HERC4: variants seen among roughly 807,000 people sequenced by gnomAD.
The protein encoded by HERC4 is HECT and RLD domain containing E3 ubiquitin protein ligase 4, also known as probable E3 ubiquitin-protein ligase HERC4.
In HERC4, 28 loss-of-function variants were observed where a neutral mutation model predicts 124.3. The observed-to-expected ratio is 0.23, with a 90% CI of 0.17 to 0.31. The LOEUF is 0.31. Ranked by LOEUF, HERC4 falls within the 10% of genes least tolerant of loss-of-function variation. The probability of loss-of-function intolerance (pLI) is 1.00; values close to 1 mark genes in which losing one functional copy is unlikely to be tolerated. For missense variants in HERC4, 713 were observed against 1,229.3 expected, an observed-to-expected ratio of 0.58 and a Z score of 6.28; for synonymous variants, 407 against 421.5, an observed-to-expected ratio of 0.97 and a Z score of 0.42.
intron 15 of HERC4, among the ~76,000 whole-genome samples, chr10:67,981,861 A>C (rs1240892125): frequency 6.6e-6 from 1 of 152,238 alleles, no homozygotes; most frequent in Admixed American, 6.5e-5. Context: ...GAATCACTTG[A>C]ATCGGGGGGG....
chr10:68,064,582 G>A, intron 3 of HERC4, among the ~76,000 whole-genome samples: 2 of 146,742 alleles, frequency 1.4e-5, no homozygotes. Context: ...AAAAAAGAGA[G>A]AGAGAGAAAA....
intron 7 of HERC4, among the ~76,000 whole-genome samples, chr10:68,027,265 A>G (rs1182785051): frequency 6.6e-6 from 1 of 152,230 alleles, no homozygotes; most frequent in Non-Finnish European, 1.5e-5. Context: ...TACACAAGGT[A>G]AAGAGAAAAT....
chr10:68,033,887 C>A (rs3740055), intron 6 of HERC4, 78 bp downstream of exon 6: 1 of 1,172,874 alleles, frequency 8.5e-7, no homozygotes, highest in Non-Finnish European at 1.2e-6. Context: ...TTCTCTCTTA[C>A]ACTAAGAATC....
chr10:67,966,817 G>A lies in HERC4; in HGVS notation c.1807-15C>T, dbSNP rs532572926. 6.0e-5 allele frequency: 92 copies of A among 1,530,774 alleles called. No individual in the cohort carries two copies. In the Middle Eastern group the frequency reaches 6.2e-4, roughly 10 times the overall value. The allele number at this position is 1,530,774 out of a possible 1,614,324, so 94.8% of individuals were successfully genotyped here. A position where few individuals can be genotyped will look rare whatever the true frequency, so the allele number is the denominator to read the frequency against. ...TTCTCATTTACCTACAAAAGAAAAT[G>A]TAATTGACATTAAATTTAACCAGTA... is the stretch of plus-strand genomic sequence containing the variant. On this transcript the variant is annotated splice_polypyrimidine_tract_variant and intron_variant, in intron 15 of 24. Transcript: ENST00000373700.
chr10:68,058,852 T>A (rs549524172), intron 3 of HERC4, among the ~76,000 whole-genome samples: 2 of 151,622 alleles, frequency 1.3e-5, no homozygotes, highest in East Asian at 3.9e-4. Context: ...AAAAAAAAAA[T>A]TGAATGGGTA....
chr10:68,000,088 C>T (rs1264160598), intron 9 of HERC4, among the ~76,000 whole-genome samples: 1 of 152,042 alleles, frequency 6.6e-6, no homozygotes, highest in African/African-American at 2.4e-5. Context: ...GGACTCCTAT[C>T]CTCAAGCAAT....
At chr10:67,961,721 G>A (rs1363404014) in intron 16 of HERC4, among the ~76,000 whole-genome samples, 1 of 152,202 alleles carries the variant, frequency 6.6e-6, no homozygotes, top group African/African-American at 2.4e-5. Context: ...TGTCACCAGC[G>A]ATATTATTGG....
intron 3 of HERC4, among the ~76,000 whole-genome samples, chr10:68,059,454 A>AT (rs1251383728): frequency 8.1e-6 from 1 of 123,374 alleles, no homozygotes; most frequent in African/African-American, 3.5e-5. Flanking sequence ...AATATTATAT[A>AT]TTATAATAAT....
chr10:67,976,486 T>C (rs187125097), intron 15 of HERC4, among the ~76,000 whole-genome samples: 107 of 152,116 alleles, frequency 7.0e-4, no homozygotes, highest in South Asian at 1.5e-3. Flanking sequence ...AGCAAACAGG[T>C]GGAAGAGGTG....
At chr10:67,999,006 C>T (rs1310073291) in intron 9 of HERC4, among the ~76,000 whole-genome samples, 2 of 152,134 alleles carry the variant, frequency 1.3e-5, no homozygotes, top group East Asian at 3.9e-4. Flanking sequence ...GCTGGGATTA[C>T]AGGCATGAGC....
In HERC4 at chr10:67,922,985, T is replaced by G; in HGVS notation, c.3096A>C (p.Leu1032=). ...CAATAGCTTGGATCAGTTTAGAGCG[T>G]AGAGTTTCTTTTTCTGTATATTTTG... is the stretch of plus-strand genomic sequence containing the variant. ...DLPKYTEKET[L]RSKLIQAIDH... is the part of the protein sequence containing the mutation. Residue 1032 remains leucine, a synonymous_variant, in exon 25 of 25, where the codon CTA becomes CTC. Transcript: ENST00000373700. 3.7e-6 allele frequency: 6 copies of G among 1,613,904 alleles called. No homozygotes were observed. The highest frequency in any genetic ancestry group is 5.1e-6 in the Non-Finnish European group (6 of 1,179,818).
At chr10:68,010,347 G>C (rs539156639) in intron 9 of HERC4, 230 of 936,906 alleles carry the variant, frequency 2.5e-4, no homozygotes, top group Non-Finnish European at 3.7e-4. Context: ...ATGGGGCCCT[G>C]AGGCCATAGG....
Position 68,045,893 on chromosome 10 carries a change from CA to C in HERC4, c.227-1331del, listed in dbSNP as rs2039990935. Among the ~76,000 whole-genome samples, 2 of 152,052 alleles carry C rather than the reference CA, an allele frequency of 1.3e-5. 1 individual carries two copies. Among genetic ancestry groups the C allele is most frequent in the South Asian group, 4.1e-4 (2 of 4,826 alleles). Reference sequence around the variant, plus strand: ...AAAGAGGCTGAAATTCCTATCTATACAGAAATTCAAATTGTATCTAGATTAC... The same window carrying C: ...AAAGAGGCTGAAATTCCTATCTATACGAAATTCAAATTGTATCTAGATTAC... On this transcript the variant is annotated intron_variant, in intron 3 of 24. Coordinates refer to ENST00000373700, the MANE Select transcript of HERC4 (RefSeq NM_015601.4).
intron 3 of HERC4, among the ~76,000 whole-genome samples, chr10:68,065,010 A>T (rs1278428993): frequency 6.6e-6 from 1 of 152,182 alleles, no homozygotes; most frequent in African/African-American, 2.4e-5. Flanking sequence ...TACTTAAATA[A>T]ATTTTGGTAC....
chr10:68,030,271 C>T (rs2039133548), intron 7 of HERC4, among the ~76,000 whole-genome samples: 1 of 151,732 alleles, frequency 6.6e-6, no homozygotes, highest in African/African-American at 2.4e-5. Flanking sequence ...GAAACCCCAT[C>T]TCTACAAAAA....
At chr10:68,064,802 T>A (rs2041219651) in intron 3 of HERC4, among the ~76,000 whole-genome samples, 1 of 151,278 alleles carries the variant, frequency 6.6e-6, no homozygotes, top group Non-Finnish European at 1.5e-5. Context: ...GAAACCTTGT[T>A]TCTACTAAAA....
chr10:67,937,581 T>A (rs2032475056), intron 21 of HERC4, among the ~76,000 whole-genome samples: 1 of 151,826 alleles, frequency 6.6e-6, no homozygotes, highest in Non-Finnish European at 1.5e-5. Context: ...TAGAAAATCG[T>A]TTTTGTTTTT....
chr10:68,028,744 T>TA (rs1460129855), intron 7 of HERC4, among the ~76,000 whole-genome samples: 1 of 152,250 alleles, frequency 6.6e-6, no homozygotes, highest in Non-Finnish European at 1.5e-5. Flanking sequence ...CACAAGGTTT[T>TA]AATTCCTATA....
At chr10:68,010,665 T>G in intron 9 of HERC4, 1 of 1,467,942 alleles carries the variant, frequency 6.8e-7, no homozygotes, top group South Asian at 1.2e-5. Context: ...CACCCACTTC[T>G]GCAGCAAGGG....
Sources: gnomAD v4.1 joint callset for allele counts (sites outside exome capture counted in the v4.1 genomes callset) on GRCh38, gnomAD v4.1.1 for gene constraint, MANE v1.5 for transcripts, NCBI Gene and HGNC (gene_info 2026-07-23, HGNC 2026-07-21) for gene names.